The following ZNF714 variants were observed in gnomAD, a reference collection of about 807,000 sequenced individuals.
ZNF714 encodes the protein zinc finger protein 714.
Under a neutral mutation model 46.2 loss-of-function variants are expected in ZNF714, and 32 were observed. The observed-to-expected ratio is 0.69, with a 90% CI of 0.52 to 0.93. The LOEUF (loss-of-function observed/expected upper bound fraction) is 0.93. ZNF714 is among the 40% of genes least tolerant of loss of function. The probability of loss-of-function intolerance (pLI) is 0.00; values close to 1 mark genes in which losing one functional copy is unlikely to be tolerated. For missense variants in ZNF714, 635 were observed against 646.3 expected, an observed-to-expected ratio of 0.98 and a Z score of 0.19; for synonymous variants, 199 against 213.1, an observed-to-expected ratio of 0.93 and a Z score of 0.58.
chr19:21,093,294 G>A (rs10413175), intron 2 of ZNF714, among the ~76,000 whole-genome samples: 103,741 of 151,472 alleles, frequency 0.68, 39,743 homozygotes, highest in East Asian at 0.87. Flanking sequence ...GTGTGATGGC[G>A]CCACCTCAGC....
chr19:21,088,805 T>A lies in ZNF714; in HGVS notation c.-85+4736T>A, dbSNP rs571156586. ...CCCACGACCAGGAAAGCATGTAGTT[T>A]CTATGGCTTAATAAGTAAACAGCTG... is the stretch of plus-strand genomic sequence containing the variant. On this transcript the variant is annotated intron_variant, in intron 2 of 4. Coordinates refer to ENST00000456283, the MANE Select transcript of ZNF714 (RefSeq NM_182515.4). Among the ~76,000 whole-genome samples, 6 of 152,288 alleles carry A rather than the reference T, an allele frequency of 3.9e-5. No individual in the cohort carries two copies. In the East Asian group the frequency reaches 7.7e-4, roughly 20 times the overall value.
intron 2 of ZNF714, among the ~76,000 whole-genome samples, chr19:21,093,463 C>T (rs1012394281): frequency 4.7e-5 from 7 of 148,426 alleles, no homozygotes; most frequent in Admixed American, 1.3e-4. Context: ...AACTCCTGAC[C>T]GCAGGTGATC....
At chr19:21,089,822 G>A (rs10416058) in intron 2 of ZNF714, among the ~76,000 whole-genome samples, 73,024 of 114,890 alleles carry the variant, frequency 0.64, 27,951 homozygotes, top group Middle Eastern at 0.87. Flanking sequence ...CTTTACATAG[G>A]AGATAAACAG....
chr19:21,092,124 G>A (rs1053443729), intron 2 of ZNF714, among the ~76,000 whole-genome samples: 1 of 152,086 alleles, frequency 6.6e-6, no homozygotes, highest in African/African-American at 2.4e-5. Flanking sequence ...CTTTCACACT[G>A]CCCATTGTCC....
In ZNF714 at chr19:21,124,472, T is replaced by C. The variant is rs1415620342; in HGVS notation, c.*6140T>C. Among the ~76,000 whole-genome samples, 1 of 152,318 alleles carries C rather than the reference T, an allele frequency of 6.6e-6. No individual in the cohort carries two copies. Among genetic ancestry groups the C allele is most frequent in the East Asian group, 1.9e-4 (1 of 5,190 alleles). On this transcript the variant is annotated 3_prime_UTR_variant, in exon 5 of 5. Coordinates refer to ENST00000456283, the MANE Select transcript of ZNF714 (RefSeq NM_182515.4). ...TCACAAAGACACAGTATTTGACACATTGTTATTCTTTTATGTCTTAAAAAT... is the reference window on the plus strand; with the variant it reads ...TCACAAAGACACAGTATTTGACACACTGTTATTCTTTTATGTCTTAAAAAT...
intron 3 of ZNF714, 90 bp downstream of exon 3, chr19:21,098,401 TGTATAAATGA>T: frequency 6.8e-7 from 1 of 1,463,508 alleles, no homozygotes. Context: ...ATTTATGCTT[TGTATAAATGA>T]GTTTCTGATC....
intron 4 of ZNF714, among the ~76,000 whole-genome samples, chr19:21,110,202 C>T (rs1969419322): frequency 6.6e-6 from 1 of 152,222 alleles, no homozygotes; most frequent in African/African-American, 2.4e-5. Flanking sequence ...AACTAATTTA[C>T]ATTCCCACCA....
At chr19:21,103,096 A>G (rs1004874988) in intron 4 of ZNF714, among the ~76,000 whole-genome samples, 1 of 151,958 alleles carries the variant, frequency 6.6e-6, no homozygotes, top group African/African-American at 2.4e-5. Context: ...GCGAGTAGTC[A>G]TGGAAATACT....
In ZNF714 at chr19:21,082,282, C is replaced by T. The variant is rs1206383941; in HGVS notation, c.-243C>T. On this transcript the variant is annotated 5_prime_UTR_variant, in exon 1 of 5. Transcript: ENST00000456283. ...GCTCGCAGAGGCCCAGCCTCTGTGGCCCTGTGACCTGCAGGTATTGAGAGA... is the reference window on the plus strand; with the variant it reads ...GCTCGCAGAGGCCCAGCCTCTGTGGTCCTGTGACCTGCAGGTATTGAGAGA... The T allele has an allele frequency of 1.4e-6, 2 of 1,429,016 alleles. No homozygotes were observed. Among genetic ancestry groups the T allele is most frequent in the Non-Finnish European group, 1.9e-6 (2 of 1,057,560 alleles). The allele number at this position is 1,429,016 out of a possible 1,614,324, so 88.5% of individuals were successfully genotyped here. A position where few individuals can be genotyped will look rare whatever the true frequency, so the allele number is the denominator to read the frequency against.
chr19:21,106,568 CAA>C (rs34970745), intron 4 of ZNF714, among the ~76,000 whole-genome samples: 5 of 88,220 alleles, frequency 5.7e-5, no homozygotes, highest in Admixed American at 1.1e-4. Flanking sequence ...GACTCCGTCT[CAA>C]AAAAAAAAAA....
chr19:21,113,037 G>A (rs1455475581), intron 4 of ZNF714: 1 of 151,742 alleles, frequency 6.6e-6, no homozygotes, highest in African/African-American at 2.4e-5. Context: ...TGTTTGCCAG[G>A]CTTGTCTCGA....
At chr19:21,108,862 A>G (rs1262502704) in intron 4 of ZNF714, among the ~76,000 whole-genome samples, 3 of 152,112 alleles carry the variant, frequency 2.0e-5, no homozygotes, top group South Asian at 2.1e-4. Context: ...TTATGTTGCT[A>G]TGTATTTCTT....
chr19:21,123,971 A>G lies in ZNF714; in HGVS notation c.*5639A>G, dbSNP rs199881991. The stretch of plus-strand genomic sequence containing the variant: ...GGATTAAAACATTCTGTTATTTTGC[A>G]TGCAAACTAGTTTACTGTGTTCACA... On this transcript the variant is annotated 3_prime_UTR_variant, in exon 5 of 5. Transcript: ENST00000456283. 1.3e-5 allele frequency: 2 copies of G among 152,310 alleles called. No individual in the cohort carries two copies. The highest frequency in any genetic ancestry group is 3.9e-4 in the East Asian group (2 of 5,178). 9.4% of individuals were successfully genotyped at this position (152,310 alleles called of 1,614,324 possible).
At chr19:21,092,187 G>A (rs1275528632) in intron 2 of ZNF714, among the ~76,000 whole-genome samples, 2 of 152,080 alleles carry the variant, frequency 1.3e-5, no homozygotes, top group African/African-American at 4.8e-5. Flanking sequence ...TTAGAGGAAA[G>A]GAGCTCTGAT....
chr19:21,101,128 G>A (rs553417082), intron 4 of ZNF714, among the ~76,000 whole-genome samples: 3 of 152,180 alleles, frequency 2.0e-5, no homozygotes, highest in African/African-American at 7.2e-5. Flanking sequence ...AAATGTTTTT[G>A]ACTAATCCTT....
chr19:21,087,459 A>G (rs191328284), intron 2 of ZNF714, among the ~76,000 whole-genome samples: 17 of 152,244 alleles, frequency 1.1e-4, no homozygotes, highest in Admixed American at 1.1e-3. Context: ...TTTATACTAA[A>G]TGAGCCAAAT....
At chr19:21,090,872 C>CTTTT (rs56845153) in intron 2 of ZNF714, 4 of 52,026 alleles carry the variant, frequency 7.7e-5, no homozygotes, top group Non-Finnish European at 1.1e-4. Context: ...TATGCCTCTC[C>CTTTT]TTTTTTTTTT....
Position 21,117,514 on chromosome 19 carries a change from C to T in ZNF714, c.850C>T (p.Pro284Ser). 1 of 1,607,734 alleles carries T rather than the reference C, an allele frequency of 6.2e-7. No individual in the cohort carries two copies. The highest frequency in any genetic ancestry group is 1.1e-5 in the South Asian group (1 of 90,634). Residue 284 changes from proline to serine, a missense_variant, in exon 5 of 5, where the codon CCC (proline) becomes TCC (serine). Transcript: ENST00000456283. Reference protein sequence around the residue: ...THKFIHVKEKPYKCEECDKAF... With the variant: ...THKFIHVKEKSYKCEECDKAF... The stretch of plus-strand genomic sequence containing the variant: ...TAAGTTCATTCATGTTAAAGAAAAA[C>T]CCTACAAATGTGAAGAATGTGACAA...
In ZNF714 at chr19:21,117,736, A is replaced by G. The variant is rs1201706105; in HGVS notation, c.1072A>G (p.Thr358Ala). ...KAFNVSSHLT[T>A]HKMIHTGEKP... ...CTTTAATGTGTCTTCACACCTTACT[A>G]CACATAAGATGATTCATACTGGAGA... Residue 358 changes from threonine to alanine, a missense_variant, in exon 5 of 5, where the codon ACA (threonine) becomes GCA (alanine). Coordinates refer to ENST00000456283, the MANE Select transcript of ZNF714 (RefSeq NM_182515.4). 1.2e-6 allele frequency: 2 copies of G among 1,613,462 alleles called. No homozygotes were observed. The highest frequency in any genetic ancestry group is 1.3e-5 in the African/African-American group (1 of 74,894).
Sources: allele counts gnomAD v4.1 joint callset (sites outside exome capture counted in the v4.1 genomes callset), GRCh38; gene constraint gnomAD v4.1.1; transcripts MANE v1.5; gene names NCBI Gene and HGNC (gene_info 2026-07-23, HGNC 2026-07-21).